PHACTR2: variants seen among roughly 807,000 people sequenced by gnomAD.
The protein encoded by PHACTR2 is chromosome 6 open reading frame 56.
A neutral mutation model predicts 76.0 loss-of-function variants in PHACTR2; 30 were observed. The ratio of observed to expected loss-of-function variants is 0.39; its 90% CI spans 0.30 to 0.54. The LOEUF is 0.54. Among genes scored for constraint, PHACTR2 ranks in the 20% least tolerant of loss-of-function variants. The probability of loss-of-function intolerance (pLI) is 0.61; values close to 1 mark genes in which losing one functional copy is unlikely to be tolerated. For synonymous variants in PHACTR2, 292 were observed against 292.5 expected (o/e 1.00, Z 0.02); for missense variants, 696 against 781.1 (o/e 0.89, Z 1.30).
rs1288111436 is a variant in PHACTR2, at chr6:143,546,263, A to G, written c.217+9056A>G. Among the ~76,000 whole-genome samples, 3 of 152,036 alleles carry G rather than the reference A, an allele frequency of 2.0e-5. No homozygotes were observed. ...ACCTGTTGGCTAAAATTTGACATTT[A>G]TATGCCTTACTTTGCAGTTTCTTGA... On this transcript the variant is annotated intron_variant, in intron 1 of 11. Coordinates refer to the PHACTR2 transcript ENST00000367584. This position sits in a 1 kb window ranked among gnomAD's most constrained non-coding sequence, Gnocchi z 4.9.
chr6:143,686,338 G>A (rs1405379803), intron 1 of PHACTR2, among the ~76,000 whole-genome samples: 1 of 152,000 alleles, frequency 6.6e-6, no homozygotes, highest in African/African-American at 2.4e-5. Flanking sequence ...TAAAAATGAT[G>A]TAAAAATATT....
intron 2 of PHACTR2, among the ~76,000 whole-genome samples, chr6:143,725,820 CAAAAAAAAA>C (rs35596471): frequency 1.5e-5 from 2 of 131,996 alleles, no homozygotes; most frequent in African/African-American, 5.8e-5. Context: ...GACTCTGTCT[CAAAAAAAAA>C]AAAAAAAGAA....
In PHACTR2 at chr6:143,789,044, T is replaced by C; in HGVS notation, c.1845+134T>C. ...TACAACAGTTTTCTGCCTCTGATTA[T>C]TTAAGCCACTTAAGTGATACATTTA... On this transcript the variant is annotated intron_variant, in intron 11 of 12. Transcript: ENST00000440869. This position sits in a 1 kb window ranked among gnomAD's most constrained non-coding sequence, Gnocchi z 5.1. The C allele has an allele frequency of 1.5e-6, 1 of 684,854 alleles. No individual in the cohort carries two copies. The highest frequency in any genetic ancestry group is 2.4e-6 in the Non-Finnish European group (1 of 411,598). 42.4% of individuals were successfully genotyped at this position (684,854 alleles called of 1,614,324 possible).
At chr6:143,703,134 C>A (rs1777954548) in intron 1 of PHACTR2, among the ~76,000 whole-genome samples, 1 of 141,172 alleles carries the variant, frequency 7.1e-6, no homozygotes. Flanking sequence ...CATGGTAAAA[C>A]CCTGTCTCTA....
rs1365451206 is a variant in PHACTR2, at chr6:143,591,886, C to T, written c.217+54679C>T. Among the ~76,000 whole-genome samples, 1 of 152,206 alleles carries T rather than the reference C, an allele frequency of 6.6e-6. No individual in the cohort carries two copies. The highest frequency in any genetic ancestry group is 2.4e-5 in the African/African-American group (1 of 41,442). On this transcript the variant is annotated intron_variant, in intron 1 of 11. Coordinates refer to the PHACTR2 transcript ENST00000367584. The surrounding 1 kb of genome is among the most constrained non-coding windows in gnomAD (Gnocchi z 6.4). ...GCTCAAACAGGGAATTTGTCCACTTCCAGGTTTTCCTGGGCCACTTCCCTA... is the reference window on the plus strand; with the variant it reads ...GCTCAAACAGGGAATTTGTCCACTTTCAGGTTTTCCTGGGCCACTTCCCTA...
At chr6:143,661,749 G>A (rs1167290092) in intron 1 of PHACTR2, among the ~76,000 whole-genome samples, 2 of 151,830 alleles carry the variant, frequency 1.3e-5, no homozygotes, top group Admixed American at 6.6e-5. Context: ...TAGAGAAGGG[G>A]TTTCACCAGG....
chr6:143,718,888 T>TTG (rs1554222286), intron 2 of PHACTR2, among the ~76,000 whole-genome samples: 4 of 142,266 alleles, frequency 2.8e-5, no homozygotes, highest in African/African-American at 1.0e-4. Flanking sequence ...TTTTTTTTTT[T>TTG]TTTTTTTTTT....
intron 2 of PHACTR2, among the ~76,000 whole-genome samples, chr6:143,745,618 G>A (rs1779042864): frequency 6.6e-6 from 1 of 152,186 alleles, no homozygotes; most frequent in Non-Finnish European, 1.5e-5. Flanking sequence ...TAAACAAGAG[G>A]CAAATATTTT....
chr6:143,581,283 G>T lies in PHACTR2; in HGVS notation c.217+44076G>T, dbSNP rs1265624671. 6.6e-6 allele frequency among the ~76,000 whole-genome samples: 1 copy of T among 152,170 alleles called. No individual in the cohort carries two copies. Among genetic ancestry groups the T allele is most frequent in the Non-Finnish European group, 1.5e-5 (1 of 68,038 alleles). On this transcript the variant is annotated intron_variant, in intron 1 of 11. Transcript: ENST00000367584. This position sits in a 1 kb window ranked among gnomAD's most constrained non-coding sequence, Gnocchi z 4.5. ...GTAGATGTCTGTAATTGACCGGGAGGTATGTAGATGACTGTATCAAGTTAT... is the reference window on the plus strand; with the variant it reads ...GTAGATGTCTGTAATTGACCGGGAGTTATGTAGATGACTGTATCAAGTTAT...
At chr6:143,555,916 C>T (rs1234995735) in intron 1 of PHACTR2, among the ~76,000 whole-genome samples, 3 of 145,596 alleles carry the variant, frequency 2.1e-5, no homozygotes, top group Admixed American at 6.8e-5. Context: ...GGCACTATGA[C>T]ATTTAGCTTT....
intron 1 of PHACTR2, among the ~76,000 whole-genome samples, chr6:143,559,097 A>T (rs1775223933): frequency 6.6e-6 from 1 of 152,128 alleles, no homozygotes; most frequent in Admixed American, 6.5e-5. Flanking sequence ...CCTCATCTTC[A>T]ATGGTCGTGA....
chr6:143,573,340 A>C (rs1775469778), intron 1 of PHACTR2, among the ~76,000 whole-genome samples: 1 of 152,212 alleles, frequency 6.6e-6, no homozygotes, highest in South Asian at 2.1e-4. Context: ...GATCCAATTC[A>C]GGCCATCGAG....
chr6:143,752,997 T>A (rs1215684729), intron 3 of PHACTR2, among the ~76,000 whole-genome samples: 1 of 152,038 alleles, frequency 6.6e-6, no homozygotes, highest in Non-Finnish European at 1.5e-5. Context: ...ATGATTTAGA[T>A]CTCTCAACAT....
At chr6:143,604,906 G>A (rs1775851268), upstream of PHACTR2, among the ~76,000 whole-genome samples, 2 of 148,842 alleles carry the variant, frequency 1.3e-5, no homozygotes, top group African/African-American at 2.5e-5. Flanking sequence ...AAAAAAAAGA[G>A]AAAAAAAAGA....
At chr6:143,660,883 C>T (rs564365571) in intron 1 of PHACTR2, among the ~76,000 whole-genome samples, 26 of 152,052 alleles carry the variant, frequency 1.7e-4, no homozygotes, top group Admixed American at 1.6e-3. Flanking sequence ...AGGATGTGTC[C>T]CTTAGATGGT....
rs1333438482 is a variant in PHACTR2 at position 143,591,331 on chromosome 6, T to C, written c.217+54124T>C. 1.3e-5 allele frequency among the ~76,000 whole-genome samples: 2 copies of C among 152,166 alleles called. No individual in the cohort carries two copies. The highest frequency in any genetic ancestry group is 2.9e-5 in the Non-Finnish European group (2 of 68,032). ...CCATTCCAGGGTACATTTAGGACAC[T>C]CTGGAATGACCCTGCATCAAGCATG... On this transcript the variant is annotated intron_variant, in intron 1 of 11. Coordinates refer to the PHACTR2 transcript ENST00000367584. This position sits in a 1 kb window ranked among gnomAD's most constrained non-coding sequence, Gnocchi z 6.4.
chr6:143,721,329 A>G (rs994626107), intron 2 of PHACTR2, among the ~76,000 whole-genome samples: 2 of 152,248 alleles, frequency 1.3e-5, no homozygotes, highest in African/African-American at 4.8e-5. Context: ...AATTGAGTTT[A>G]ACCCATAATA....
rs1374851856 is a variant in PHACTR2, at chr6:143,553,111, A to G, written c.217+15904A>G. Among the ~76,000 whole-genome samples the G allele has an allele frequency of 1.3e-5, 2 of 152,034 alleles. No individual in the cohort carries two copies. Among genetic ancestry groups the G allele is most frequent in the Non-Finnish European group, 2.9e-5 (2 of 67,998 alleles). On this transcript the variant is annotated intron_variant, in intron 1 of 11. Transcript: ENST00000367584. The surrounding 1 kb of genome is among the most constrained non-coding windows in gnomAD (Gnocchi z 4.2). Reference sequence around the variant, plus strand: ...GCTGAGGGGCTAAAACCCATGCACCACTCTTGACCCATCAACAAGGTTCAG... The same window carrying G: ...GCTGAGGGGCTAAAACCCATGCACCGCTCTTGACCCATCAACAAGGTTCAG...
At chr6:143,692,929 C>G (rs1454223461) in intron 1 of PHACTR2, among the ~76,000 whole-genome samples, 2 of 152,174 alleles carry the variant, frequency 1.3e-5, no homozygotes, top group Non-Finnish European at 2.9e-5. Context: ...GGTCTAAGAT[C>G]AAGGTGTCAG....
Sources: gnomAD v4.1 joint callset for allele counts (sites outside exome capture counted in the v4.1 genomes callset) on GRCh38, gnomAD v4.1.1 for gene constraint, Gnocchi (gnomAD v3.1) non-coding constraint, MANE v1.5 for transcripts, NCBI Gene and HGNC (gene_info 2026-07-23, HGNC 2026-07-21) for gene names.